The following OR52N5 variants were observed in gnomAD, a reference collection of about 807,000 sequenced individuals.
OR52N5 encodes olfactory receptor family 52 subfamily N member 5.
In OR52N5, 10 loss-of-function variants were observed where a neutral mutation model predicts 14.1. The observed-to-expected ratio is 0.71, with a 90% CI of 0.44 to 1.20. The LOEUF (loss-of-function observed/expected upper bound fraction) is 1.20, where lower values mean the gene tolerates loss of function less well. Among genes scored for constraint, OR52N5 ranks in the 50% most tolerant of loss-of-function variants. The probability of loss-of-function intolerance (pLI) is 0.00; values close to 1 mark genes in which losing one functional copy is unlikely to be tolerated. For synonymous variants in OR52N5, 116 were observed against 143.0 expected (o/e 0.81, Z 1.35); for missense variants, 361 against 403.2 (o/e 0.90, Z 0.90).
rs1470893142 is a variant in OR52N5 at position 5,777,631 on chromosome 11, T to G, written c.*29A>C. The G allele has an allele frequency of 5.2e-6, 7 of 1,354,442 alleles. No individual in the cohort carries two copies. Among genetic ancestry groups the G allele is most frequent in the Non-Finnish European group, 6.0e-6 (6 of 1,007,358 alleles). 83.9% of individuals were successfully genotyped at this position (1,354,442 alleles called of 1,614,324 possible). On this transcript the variant is annotated 3_prime_UTR_variant, in exon 3 of 3. Coordinates refer to ENST00000641181, the MANE Select transcript of OR52N5 (RefSeq NM_001385662.1). ...ATTCTTTGTTATTTTTCATTTATCT[T>G]TCTTCCATCTGAATTAAGTTGCCTT...
rs1854523340 is a variant in OR52N5, at chr11:5,778,609, C to T, written c.26G>A (p.Trp9Ter). Residue 9 changes from tryptophan (W) to a stop codon, truncating the protein, a stop_gained, in exon 3 of 3, where the codon TGG becomes TAG. Coordinates refer to ENST00000641181, the MANE Select transcript of OR52N5 (RefSeq NM_001385662.1). LOFTEE classifies it high-confidence loss of function. MPLFNSLCWFPTIHVTPPS... is the reference protein window; with the variant it reads MPLFNSLC ...AGGAGTCACATGAATTGTTGGAAACCAGCATAATGAATTAAATAGAGGCAT... is the reference window on the plus strand; with the variant it reads ...AGGAGTCACATGAATTGTTGGAAACTAGCATAATGAATTAAATAGAGGCAT... The T allele has an allele frequency of 6.8e-7, 1 of 1,470,844 alleles. No homozygotes were observed. The highest frequency in any genetic ancestry group is 1.5e-5 in the African/African-American group (1 of 68,500). The allele number at this position is 1,470,844 out of a possible 1,614,324, so 91.1% of individuals were successfully genotyped here.
intron 2 of OR52N5, among the ~76,000 whole-genome samples, chr11:5,779,921 AC>A (rs1374797503): frequency 7.2e-6 from 1 of 139,576 alleles, no homozygotes; most frequent in African/African-American, 2.6e-5. Context: ...GGTCACATCA[AC>A]ATATCTATTT....
chr11:5,777,933 C>G lies in OR52N5; in HGVS notation c.702G>C (p.Ala234=). Residue 234 remains alanine (A), a synonymous_variant, in exon 3 of 3, where the codon GCG becomes GCC. Transcript: ENST00000641181. The stretch of plus-strand genomic sequence containing the variant: ...GAGCATCTGATGAAGAGAGGCTGAT[C>G]GCTGCCTTGAGGATCAAAGTGTAAG... ...SLSYTLILKA[A]ISLSSSDARQ... The G allele has an allele frequency of 1.3e-6, 2 of 1,521,244 alleles. No individual in the cohort carries two copies. Among genetic ancestry groups the G allele is most frequent in the Middle Eastern group, 1.8e-4 (1 of 5,480 alleles). 94.2% of individuals were successfully genotyped at this position (1,521,244 alleles called of 1,614,324 possible).
In OR52N5 at chr11:5,777,622, C is replaced by A. The variant is rs547795000; in HGVS notation, c.*38G>T. 2.8e-5 allele frequency: 37 copies of A among 1,318,808 alleles called. 8 individuals are homozygous for A. The South Asian group carries it at 4.8e-4, about 17-fold the overall frequency. The allele number at this position is 1,318,808 out of a possible 1,614,324, so 81.7% of individuals were successfully genotyped here. On this transcript the variant is annotated 3_prime_UTR_variant, in exon 3 of 3. Coordinates refer to ENST00000641181, the MANE Select transcript of OR52N5 (RefSeq NM_001385662.1). Reference sequence around the variant, plus strand: ...CGTAAGTTTATTCTTTGTTATTTTTCATTTATCTTTCTTCCATCTGAATTA... The same window carrying A: ...CGTAAGTTTATTCTTTGTTATTTTTAATTTATCTTTCTTCCATCTGAATTA...
intron 1 of OR52N5, among the ~76,000 whole-genome samples, chr11:5,782,831 G>A (rs556629794): frequency 7.2e-6 from 1 of 138,814 alleles, no homozygotes; most frequent in African/African-American, 2.6e-5. Context: ...TCAACAAATT[G>A]GAGTTGTATT....
rs1854505053 is a variant in OR52N5, at chr11:5,777,593, C to T, written c.*67G>A. The T allele has an allele frequency of 2.2e-5, 25 of 1,132,078 alleles. 2 individuals carry two copies. The highest frequency in any genetic ancestry group is 2.8e-5 in the Non-Finnish European group (23 of 815,600). 70.1% of individuals were successfully genotyped at this position (1,132,078 alleles called of 1,614,324 possible). On this transcript the variant is annotated 3_prime_UTR_variant, in exon 3 of 3. Transcript: ENST00000641181. ...CTACACATGAATAAATGTAAAATATCACACGTAAGTTTATTCTTTGTTATT... is the reference window on the plus strand; with the variant it reads ...CTACACATGAATAAATGTAAAATATTACACGTAAGTTTATTCTTTGTTATT...
intron 2 of OR52N5, among the ~76,000 whole-genome samples, chr11:5,780,720 A>G (rs1202685477): frequency 7.2e-6 from 1 of 139,662 alleles, no homozygotes; most frequent in Non-Finnish European, 1.6e-5. Context: ...ATGAAACAGA[A>G]AAGAAAGCCC....
rs1854505970 is a variant in OR52N5, at chr11:5,777,680, C to T, written c.955G>A (p.Gly319Ser). ...TTGAATCAACCTGCACCCTTATCAC[C>T]CTGGAAGAACTTTATGACACTCTTG... Reference protein sequence around the residue: ...IRKSVIKFFQGDKGAG With the variant: ...IRKSVIKFFQSDKGAG Residue 319 changes from glycine (G) to serine (S), a missense_variant, in exon 3 of 3, where the codon GGT (glycine) becomes AGT (serine). By Grantham distance (56) the Gly-to-Ser change is moderately conservative. Coordinates refer to ENST00000641181, the MANE Select transcript of OR52N5 (RefSeq NM_001385662.1). 2 of 1,483,330 alleles carry T rather than the reference C, an allele frequency of 1.3e-6. 1 individual carries two copies. Among genetic ancestry groups the T allele is most frequent in the African/African-American group, 2.9e-5 (2 of 69,088 alleles). The allele number at this position is 1,483,330 out of a possible 1,614,324, so 91.9% of individuals were successfully genotyped here.
At position 5,782,528 on chromosome 11, in the gene OR52N5, T is replaced by C. The variant is rs1326487274; in HGVS notation, c.-248+767A>G. ...TATCTAATCAAGACTCTTTGTTCAA[T>C]AGCTTGCCAAAGATACAGAATTTTG... On this transcript the variant is annotated intron_variant, in intron 1 of 2. Transcript: ENST00000641181. 1.4e-5 allele frequency among the ~76,000 whole-genome samples: 2 copies of C among 140,406 alleles called. 1 individual carries two copies. The allele number at this position is 140,406 out of a possible 152,430, so 92.1% of individuals were successfully genotyped here.
At chr11:5,781,356 T>C (rs1348715476) in intron 2 of OR52N5, among the ~76,000 whole-genome samples, 177 bp downstream of exon 2, 2 of 139,784 alleles carry the variant, frequency 1.4e-5, no homozygotes, top group Non-Finnish European at 3.2e-5. Context: ...AGTAAGAAAG[T>C]TGTGTGGGAT....
In OR52N5 at chr11:5,781,581, T is replaced by C. The variant is rs1854549022; in HGVS notation, c.-72A>G. On this transcript the variant is annotated 5_prime_UTR_variant, in exon 2 of 3. Coordinates refer to ENST00000641181, the MANE Select transcript of OR52N5 (RefSeq NM_001385662.1). ...ACGACCTTGTGTCAATCACAATTGCTTGTCCATCCTTGATGACAATGAGTT... is the reference window on the plus strand; with the variant it reads ...ACGACCTTGTGTCAATCACAATTGCCTGTCCATCCTTGATGACAATGAGTT... The C allele has an allele frequency of 7.1e-6, 1 of 140,448 alleles. No individual in the cohort carries two copies. The highest frequency in any genetic ancestry group is 1.6e-5 in the Non-Finnish European group (1 of 63,466). The allele number at this position is 140,448 out of a possible 1,614,324, so 8.7% of individuals were successfully genotyped here.
In OR52N5 at chr11:5,778,391, T is replaced by A; in HGVS notation, c.244A>T (p.Thr82Ser). 1 of 1,518,684 alleles carries A rather than the reference T, an allele frequency of 6.6e-7. No individual in the cohort carries two copies. The highest frequency in any genetic ancestry group is 9.0e-7 in the Non-Finnish European group (1 of 1,113,886). 94.1% of individuals were successfully genotyped at this position (1,518,684 alleles called of 1,614,324 possible). A position where few individuals can be genotyped will look rare whatever the true frequency, so the allele number is the denominator to read the frequency against. The stretch of plus-strand genomic sequence containing the variant: ...GCATTGGGTAGAGTGGTGGTGCAGG[T>A]AAGGAGGTCAATGAGGGAGAGAGCA... ...GHALSLIDLL[T>S]CTTTLPNALC... The change falls in exon 3 of 3, where the codon ACC becomes TCC. Residue 82 changes from threonine to serine, a missense_variant. Physicochemically the swap from Thr to Ser is moderately conservative, Grantham distance 58. Transcript: ENST00000641181.
chr11:5,781,857 G>C (rs1435917531), intron 1 of OR52N5, 101 bp from the exon 2 acceptor site: 1 of 140,624 alleles, frequency 7.1e-6, no homozygotes, highest in Non-Finnish European at 1.6e-5. Context: ...GGAAAGCCAA[G>C]GAGACTTACT....
Position 5,778,618 on chromosome 11 carries a change from GAATTA to G in OR52N5, c.12_16del (p.Asn5IlefsTer17). The G allele has an allele frequency of 6.9e-7, 1 of 1,451,924 alleles. No homozygotes were observed. Among genetic ancestry groups the G allele is most frequent in the Non-Finnish European group, 9.3e-7 (1 of 1,070,214 alleles). 89.9% of individuals were successfully genotyped at this position (1,451,924 alleles called of 1,614,324 possible). A position where few individuals can be genotyped will look rare whatever the true frequency, so the allele number is the denominator to read the frequency against. ...ATGAATTGTTGGAAACCAGCATAATGAATTAAATAGAGGCATTCTATTTTTCCAGA... is the reference window on the plus strand; with the variant it reads ...ATGAATTGTTGGAAACCAGCATAATGAATAGAGGCATTCTATTTTTCCAGA... On this transcript the variant is annotated frameshift_variant, in exon 3 of 3. Transcript: ENST00000641181. LOFTEE classifies it high-confidence loss of function.
Position 5,778,331 on chromosome 11 carries a change from T to C in OR52N5, c.304A>G (p.Asn102Asp). The C allele has an allele frequency of 6.6e-7, 1 of 1,520,318 alleles. No individual in the cohort carries two copies. Among genetic ancestry groups the C allele is most frequent in the Non-Finnish European group, 9.0e-7 (1 of 1,114,208 alleles). 94.2% of individuals were successfully genotyped at this position (1,520,318 alleles called of 1,614,324 possible). A position where few individuals can be genotyped will look rare whatever the true frequency, so the allele number is the denominator to read the frequency against. Residue 102 changes from asparagine (N) to aspartate (D), a missense_variant, in exon 3 of 3, where the codon AAC becomes GAC. Coordinates refer to ENST00000641181, the MANE Select transcript of OR52N5 (RefSeq NM_001385662.1). ...CIFWFSLKEI[N>D]FNACLAQMFF... ...ATCTGGGCCAAGCAAGCATTGAAGT[T>C]AATTTCTTTGAGACTGAACCAGAAG...
At chr11:5,783,008 A>T (rs1467648703) in intron 1 of OR52N5, among the ~76,000 whole-genome samples, 3 of 138,264 alleles carry the variant, frequency 2.2e-5, no homozygotes, top group Non-Finnish European at 3.2e-5. Flanking sequence ...AGCACATATT[A>T]AAAAAAAGAA....
chr11:5,778,747 C>G, intron 2 of OR52N5, 90 bp from the exon 3 acceptor site: 1 of 671,152 alleles, frequency 1.5e-6, no homozygotes, highest in Non-Finnish European at 2.4e-6. Context: ...TTTATAATGG[C>G]ACCAACAATT....
At position 5,777,700 on chromosome 11, in the gene OR52N5, C is replaced by A; in HGVS notation, c.935G>T (p.Ser312Ile). ...YGVKTKQIRKSVIKFFQGDKG... is the reference protein window; with the variant it reads ...YGVKTKQIRKIVIKFFQGDKG... The stretch of plus-strand genomic sequence containing the variant: ...ATCACCCTGGAAGAACTTTATGACA[C>A]TCTTGCGTATCTGTTTTGTCTTTAC... Residue 312 changes from serine to isoleucine, a missense_variant, in exon 3 of 3, where the codon AGT becomes ATT. Coordinates refer to ENST00000641181, the MANE Select transcript of OR52N5 (RefSeq NM_001385662.1). 1 of 1,503,522 alleles carries A rather than the reference C, an allele frequency of 6.7e-7. No homozygotes were observed. The highest frequency in any genetic ancestry group is 9.0e-7 in the Non-Finnish European group (1 of 1,105,500). 93.1% of individuals were successfully genotyped at this position (1,503,522 alleles called of 1,614,324 possible).
Position 5,778,388 on chromosome 11 carries a change from A to G in OR52N5, c.247T>C (p.Cys83Arg). The change falls in exon 3 of 3, where the codon TGC (cysteine) becomes CGC (arginine). Residue 83 changes from cysteine to arginine, a missense_variant. Transcript: ENST00000641181. ...HALSLIDLLT[C>R]TTTLPNALCI... ...AGTGCATTGGGTAGAGTGGTGGTGC[A>G]GGTAAGGAGGTCAATGAGGGAGAGA... 2.6e-6 allele frequency: 4 copies of G among 1,520,008 alleles called. 1 individual carries two copies. Among genetic ancestry groups the G allele is most frequent in the Non-Finnish European group, 1.8e-6 (2 of 1,114,212 alleles). The allele number at this position is 1,520,008 out of a possible 1,614,324, so 94.2% of individuals were successfully genotyped here.
Sources: allele counts gnomAD v4.1 joint callset (sites outside exome capture counted in the v4.1 genomes callset), GRCh38; gene constraint gnomAD v4.1.1; transcripts MANE v1.5; gene names NCBI Gene and HGNC (gene_info 2026-07-23, HGNC 2026-07-21).